The following KIF25 variants were observed in gnomAD, a reference collection of about 807,000 sequenced individuals.
KIF25 encodes kinesin-like protein KIF25.
Under a neutral mutation model 32.9 loss-of-function variants are expected in KIF25, and 19 were observed. The observed-to-expected ratio is 0.58, with a 90% CI of 0.40 to 0.85. The LOEUF is 0.85. KIF25 is among the 40% of genes least tolerant of loss of function. The pLI is 0.00. For synonymous variants in KIF25, 225 were observed against 213.7 expected (o/e 1.05, Z -0.46); for missense variants, 485 against 507.0 (o/e 0.96, Z 0.42).
chr6:168,043,323 C>A (rs941993729), intron 12 of KIF25, among the ~76,000 whole-genome samples: 1 of 152,166 alleles, frequency 6.6e-6, no homozygotes, highest in Admixed American at 6.5e-5. Context: ...CAGGCAGAGT[C>A]CCCCAGAGGT....
chr6:168,014,527 T>C (rs954309241), intron 4 of KIF25, among the ~76,000 whole-genome samples: 7 of 152,248 alleles, frequency 4.6e-5, no homozygotes, highest in African/African-American at 1.2e-4. Context: ...AAGGGCTTCA[T>C]GCCATCAAAT....
intron 5 of KIF25, among the ~76,000 whole-genome samples, chr6:168,025,029 C>T (rs191065577): frequency 7.6e-4 from 115 of 152,014 alleles, no homozygotes; most frequent in African/African-American, 2.5e-3. Flanking sequence ...CCAGTCTGGA[C>T]GACAGAGTGA....
intron 5 of KIF25, among the ~76,000 whole-genome samples, chr6:168,019,930 C>A (rs952551113): frequency 6.6e-6 from 1 of 152,066 alleles, no homozygotes; most frequent in Non-Finnish European, 1.5e-5. Flanking sequence ...GTCAAGAGAT[C>A]GAGACCATCC....
At chr6:168,015,561 C>T (rs1224388580) in intron 4 of KIF25, among the ~76,000 whole-genome samples, 5 of 152,194 alleles carry the variant, frequency 3.3e-5, no homozygotes, top group Non-Finnish European at 7.3e-5. Flanking sequence ...GTTCAGGCCT[C>T]TTCAGGGAAG....
chr6:168,038,601 A>G lies in KIF25; in HGVS notation c.366A>G (p.Ile122Met). 6.2e-7 allele frequency: 1 copy of G among 1,614,198 alleles called. No homozygotes were observed. The highest frequency in any genetic ancestry group is 8.5e-7 in the Non-Finnish European group (1 of 1,180,032). ...GAAGCCCAAAGGTTGAAGTCTCCAT[A>G]GTGGAAGTTTACAATAATGACATTT... ...TSRSPKVEVSIVEVYNNDIFD... is the reference protein window; with the variant it reads ...TSRSPKVEVSMVEVYNNDIFD... Residue 122 changes from isoleucine (I) to methionine (M), a missense_variant, in exon 9 of 13, where the codon ATA becomes ATG. This residue lies in a region of KIF25 where 480 missense variants were observed against 470.3 expected (regional missense o/e 1.02). Transcript: ENST00000643607.
intron 5 of KIF25, among the ~76,000 whole-genome samples, chr6:168,024,671 C>T (rs747131306): frequency 3.4e-4 from 51 of 151,860 alleles, no homozygotes; most frequent in African/African-American, 8.7e-4. Flanking sequence ...AAGGAATGTT[C>T]GGGGCCGGGC....
At chr6:168,000,123 T>A (rs1318070090) in intron 2 of KIF25, among the ~76,000 whole-genome samples, 2 of 57,290 alleles carry the variant, frequency 3.5e-5, no homozygotes, top group South Asian at 9.1e-4. Flanking sequence ...TCCCATCCTG[T>A]CTACACCTGA....
At chr6:168,039,745 C>T (rs980835137) in intron 9 of KIF25, among the ~76,000 whole-genome samples, 4 of 152,164 alleles carry the variant, frequency 2.6e-5, no homozygotes, top group African/African-American at 9.7e-5. Context: ...ATTTGATACA[C>T]AAAATATTTT....
chr6:168,023,147 G>A (rs1306777089), intron 5 of KIF25, among the ~76,000 whole-genome samples: 1 of 152,118 alleles, frequency 6.6e-6, no homozygotes, highest in Admixed American at 6.5e-5. Context: ...ACCCTGCCTT[G>A]TAAGCCCTGT....
chr6:168,029,428 A>T, intron 5 of KIF25, 64 bp from the exon 6 acceptor site: 1 of 1,153,112 alleles, frequency 8.7e-7, no homozygotes, highest in Non-Finnish European at 1.2e-6. Context: ...AAGAATAACT[A>T]ACATTCATGT....
intron 5 of KIF25, among the ~76,000 whole-genome samples, chr6:168,020,637 C>T (rs923089573): frequency 3.3e-5 from 5 of 151,894 alleles, no homozygotes; most frequent in South Asian, 2.1e-4. Context: ...GTATGTTAGG[C>T]GATAGAATCC....
chr6:168,019,027 C>T (rs761030428), intron 5 of KIF25, among the ~76,000 whole-genome samples: 1 of 152,212 alleles, frequency 6.6e-6, no homozygotes, highest in African/African-American at 2.4e-5. Flanking sequence ...AGAAATACCT[C>T]GTGATACACA....
Position 168,031,494 on chromosome 6 carries a change from T to C in KIF25, c.167+647T>C, listed in dbSNP as rs373141017. 3.3e-5 allele frequency among the ~76,000 whole-genome samples: 5 copies of C among 152,326 alleles called. No homozygotes were observed. In the South Asian group the frequency reaches 1.0e-3, roughly 32 times the overall value. On this transcript the variant is annotated intron_variant, in intron 7 of 12. Coordinates refer to ENST00000643607, the MANE Select transcript of KIF25 (RefSeq NM_030615.4). ...ACCTAGAAACTGTAATTACACAGTG[T>C]GCTGCGCGTCCCAAAGGCACATGAT... is the stretch of plus-strand genomic sequence containing the variant.
In KIF25 at chr6:168,042,003, GCAAA is replaced by G. The variant is rs1799127367; in HGVS notation, c.684_687del (p.Thr229ArgfsTer52). ...CCTGCAGTGCCACCCTCCCCAGGGA[GCAAA>G]CAGAGGCAGGAAGGGCAGGAAGGAG... On this transcript the variant is annotated frameshift_variant, in exon 11 of 13. Transcript: ENST00000643607. LOFTEE classifies it high-confidence loss of function. The G allele has an allele frequency of 2.6e-6, 4 of 1,551,984 alleles. No individual in the cohort carries two copies. The highest frequency in any genetic ancestry group is 1.4e-5 in the African/African-American group (1 of 73,084).
At chr6:168,015,297 T>C (rs1798698970) in intron 4 of KIF25, among the ~76,000 whole-genome samples, 2 of 152,204 alleles carry the variant, frequency 1.3e-5, no homozygotes, top group South Asian at 4.1e-4. Flanking sequence ...CAGGTTTCCT[T>C]ACTTAAAATG....
intron 4 of KIF25, among the ~76,000 whole-genome samples, chr6:168,013,099 G>A (rs1440594452): frequency 1.3e-5 from 2 of 151,996 alleles, no homozygotes; most frequent in African/African-American, 4.8e-5. Flanking sequence ...CAGGTGAGGA[G>A]CATGTCTGTA....
chr6:168,029,796 T>G (rs762182380), intron 6 of KIF25, 119 bp downstream of exon 6: 19 of 1,303,492 alleles, frequency 1.5e-5, no homozygotes, highest in Non-Finnish European at 2.0e-5. Flanking sequence ...GAGTGAAAAG[T>G]TAAAAAAGAT....
chr6:168,038,833 C>T (rs981197096), intron 9 of KIF25, 104 bp downstream of exon 9: 3 of 1,089,404 alleles, frequency 2.8e-6, no homozygotes, highest in Admixed American at 2.5e-5. Context: ...GCTCCCCACG[C>T]CCAAGGATCC....
intron 8 of KIF25, chr6:168,035,900 A>C: frequency 2.4e-6 from 1 of 412,350 alleles, no homozygotes; most frequent in Non-Finnish European, 5.0e-6. Context: ...GTCCTCCCTC[A>C]TCACATCCAC....
Sources: gnomAD v4.1 joint callset for allele counts (sites outside exome capture counted in the v4.1 genomes callset) on GRCh38, gnomAD v4.1.1 for gene constraint, gnomAD v4.1.1 regional missense constraint, MANE v1.5 for transcripts, NCBI Gene and HGNC (gene_info 2026-07-23, HGNC 2026-07-21) for gene names.